The following CDH12 variants were observed in gnomAD, a reference collection of about 807,000 sequenced individuals.
CDH12 encodes the protein cadherin-12.
CDH12 carries 41 observed loss-of-function variants against 74.1 expected under a neutral mutation model. That is an observed-to-expected ratio of 0.55 (90% CI 0.43 to 0.72). CDH12 has a LOEUF of 0.72. CDH12 is among the 30% of genes least tolerant of loss of function. CDH12 has a pLI of 0.00. For missense variants in CDH12, 945 were observed against 977.2 expected (o/e 0.97, Z 0.44); for synonymous variants, 399 against 355.0 (o/e 1.12, Z -1.39).
chr5:21,796,870 T>C (rs1413443926), intron 10 of CDH12, among the ~76,000 whole-genome samples: 1 of 152,124 alleles, frequency 6.6e-6, no homozygotes, highest in Non-Finnish European at 1.5e-5. Context: ...CTTGCTGTTA[T>C]GAAAAGCCCC....
At chr5:22,751,339 C>CATATATAT (rs10616177) in intron 1 of CDH12, among the ~76,000 whole-genome samples, 20 of 145,244 alleles carry the variant, frequency 1.4e-4, no homozygotes, top group African/African-American at 4.5e-4. Context: ...ATATAATATA[C>CATATATAT]ATATATATAT....
At chr5:22,174,332 A>G (rs1299022867) in intron 4 of CDH12, among the ~76,000 whole-genome samples, 1 of 151,986 alleles carries the variant, frequency 6.6e-6, no homozygotes, top group African/African-American at 2.4e-5. Flanking sequence ...TTCAAATTTC[A>G]TCTAATTTAA....
chr5:22,800,672 C>T (rs539537739), intron 1 of CDH12, among the ~76,000 whole-genome samples: 2 of 152,224 alleles, frequency 1.3e-5, no homozygotes, highest in South Asian at 4.1e-4. Context: ...TTTCACTGCC[C>T]TAAAAATCCT....
chr5:22,588,459 C>T (rs1036783686), intron 1 of CDH12, among the ~76,000 whole-genome samples: 11 of 152,098 alleles, frequency 7.2e-5, no homozygotes, highest in Non-Finnish European at 1.3e-4. Context: ...AGCAATACGA[C>T]CTGCAAGGGT....
intron 6 of CDH12, among the ~76,000 whole-genome samples, chr5:21,861,347 C>A (rs912701039): frequency 1.1e-4 from 17 of 151,876 alleles, no homozygotes; most frequent in Admixed American, 1.1e-3. Flanking sequence ...AGTATACTTG[C>A]ACACAATTTA....
intron 3 of CDH12, among the ~76,000 whole-genome samples, chr5:22,238,457 G>T (rs1220737882): frequency 6.6e-6 from 1 of 152,152 alleles, no homozygotes; most frequent in Non-Finnish European, 1.5e-5. Context: ...TCACTGTAAA[G>T]AAAGTCTATA....
chr5:22,137,801 G>A (rs1450945737), intron 4 of CDH12, among the ~76,000 whole-genome samples: 1 of 152,002 alleles, frequency 6.6e-6, no homozygotes, highest in Non-Finnish European at 1.5e-5. Context: ...AAACAAAACT[G>A]GGCCCCATGG....
chr5:22,151,405 A>G (rs892317095), intron 4 of CDH12, among the ~76,000 whole-genome samples: 27 of 152,246 alleles, frequency 1.8e-4, no homozygotes, highest in African/African-American at 6.5e-4. Flanking sequence ...TTATGATAGT[A>G]TTTATAAATA....
At chr5:22,385,564 C>T (rs1741961598) in intron 3 of CDH12, among the ~76,000 whole-genome samples, 1 of 152,112 alleles carries the variant, frequency 6.6e-6, no homozygotes, top group South Asian at 2.1e-4. Context: ...GGAGTCATTC[C>T]TTTGAAATGT....
intron 5 of CDH12, among the ~76,000 whole-genome samples, chr5:22,033,141 T>TTATTTTTACATTTTACAATG (rs1738941115): frequency 6.6e-6 from 1 of 152,134 alleles, no homozygotes; most frequent in Non-Finnish European, 1.5e-5. Flanking sequence ...GTGGAAATTT[T>TTATTTTTACATTTTACAATG]AGCAATGTAT....
At chr5:22,577,053 T>C (rs1214490276) in intron 1 of CDH12, among the ~76,000 whole-genome samples, 1 of 152,186 alleles carries the variant, frequency 6.6e-6, no homozygotes, top group Non-Finnish European at 1.5e-5. Context: ...CATGGAACAT[T>C]TGTCCATCTT....
intron 1 of CDH12, among the ~76,000 whole-genome samples, chr5:22,572,206 G>T (rs1413386269): frequency 6.6e-6 from 1 of 151,980 alleles, no homozygotes; most frequent in African/African-American, 2.4e-5. Context: ...TCAACTAACT[G>T]GACAAAATAA....
intron 4 of CDH12, among the ~76,000 whole-genome samples, chr5:22,129,606 G>A (rs1211591574): frequency 1.3e-5 from 2 of 152,132 alleles, no homozygotes; most frequent in African/African-American, 2.4e-5. Flanking sequence ...GACAAAGATA[G>A]CGGGCATGCT....
chr5:22,050,099 C>T (rs1476160171), intron 5 of CDH12, among the ~76,000 whole-genome samples: 1 of 152,128 alleles, frequency 6.6e-6, no homozygotes, highest in African/African-American at 2.4e-5. Context: ...ATATTCTGAA[C>T]ATGTTAGAGT....
At chr5:22,776,297 C>A (rs1747099361) in intron 1 of CDH12, among the ~76,000 whole-genome samples, 6 of 152,078 alleles carry the variant, frequency 3.9e-5, no homozygotes. Context: ...TATTTTTGAT[C>A]ACTTATGTTA....
intron 1 of CDH12, among the ~76,000 whole-genome samples, chr5:22,643,219 C>T (rs190848376): frequency 6.6e-6 from 1 of 152,172 alleles, no homozygotes; most frequent in African/African-American, 2.4e-5. Flanking sequence ...TTTCTCAGCC[C>T]ATAAGTCTGT....
intron 3 of CDH12, among the ~76,000 whole-genome samples, chr5:22,258,058 T>C (rs1208401458): frequency 1.3e-5 from 2 of 152,204 alleles, no homozygotes; most frequent in Non-Finnish European, 2.9e-5. Flanking sequence ...ACAATATTTA[T>C]AAACATTGTT....
At chr5:21,971,149 C>A (rs1485151249) in intron 6 of CDH12, among the ~76,000 whole-genome samples, 2 of 151,960 alleles carry the variant, frequency 1.3e-5, no homozygotes, top group Non-Finnish European at 2.9e-5. Flanking sequence ...AATCCCCATT[C>A]TCAAATAATA....
At chr5:22,675,198 C>T (rs1741099239) in intron 1 of CDH12, among the ~76,000 whole-genome samples, 2 of 152,254 alleles carry the variant, frequency 1.3e-5, no homozygotes, top group South Asian at 4.1e-4. Flanking sequence ...CCCAGTTTTC[C>T]TGTGCTGGGC....
Sources: allele counts gnomAD v4.1 joint callset (sites outside exome capture counted in the v4.1 genomes callset), GRCh38; gene constraint gnomAD v4.1.1; transcripts MANE v1.5; gene names NCBI Gene and HGNC (gene_info 2026-07-23, HGNC 2026-07-21).